The following GPATCH2 variants were observed in gnomAD, a reference collection of about 807,000 sequenced individuals.
GPATCH2 encodes G-patch domain containing 2.
A neutral mutation model predicts 58.0 loss-of-function variants in GPATCH2; 51 were observed. The ratio of observed to expected loss-of-function variants is 0.88; its 90% CI spans 0.70 to 1.11. The LOEUF (loss-of-function observed/expected upper bound fraction) is 1.11, where lower values mean the gene tolerates loss of function less well. Among genes scored for constraint, GPATCH2 ranks in the 50% most tolerant of loss-of-function variants. GPATCH2 has a pLI of 0.00. For synonymous variants in GPATCH2, 222 were observed against 218.5 expected (o/e 1.02, Z -0.14); for missense variants, 625 against 652.2 (o/e 0.96, Z 0.45).
chr1:217,600,957 CTCG>C (rs1438705209), intron 5 of GPATCH2, among the ~76,000 whole-genome samples: 2 of 152,018 alleles, frequency 1.3e-5, no homozygotes, highest in African/African-American at 4.8e-5. Context: ...TCACATATAT[CTCG>C]AAAACAAAAC....
intron 8 of GPATCH2, among the ~76,000 whole-genome samples, chr1:217,470,896 A>G (rs1183171353): frequency 6.6e-6 from 1 of 152,076 alleles, no homozygotes; most frequent in Non-Finnish European, 1.5e-5. Flanking sequence ...TAAAGCAAAT[A>G]TATGAATACT....
chr1:217,628,814 T>A (rs1434308393), intron 1 of GPATCH2, among the ~76,000 whole-genome samples: 1 of 151,938 alleles, frequency 6.6e-6, no homozygotes, highest in Non-Finnish European at 1.5e-5. Context: ...GCTAAATAAG[T>A]CAGAAAATCC....
chr1:217,458,067 A>G (rs1660030050), intron 8 of GPATCH2, among the ~76,000 whole-genome samples: 1 of 152,146 alleles, frequency 6.6e-6, no homozygotes, highest in Non-Finnish European at 1.5e-5. Flanking sequence ...CTCTACTAAA[A>G]ACACACAAAA....
chr1:217,614,573 G>T (rs1006598585), intron 2 of GPATCH2, among the ~76,000 whole-genome samples: 20 of 152,142 alleles, frequency 1.3e-4, no homozygotes, highest in African/African-American at 4.8e-4. Flanking sequence ...AATGGGAAAA[G>T]TCTCAATCAA....
chr1:217,456,303 C>G (rs1219381121), intron 8 of GPATCH2, among the ~76,000 whole-genome samples: 1 of 152,204 alleles, frequency 6.6e-6, no homozygotes, highest in African/African-American at 2.4e-5. Flanking sequence ...GTGCTCACCC[C>G]TGGCTCCTGT....
At chr1:217,530,591 G>A (rs548141240) in intron 5 of GPATCH2, among the ~76,000 whole-genome samples, 3 of 152,248 alleles carry the variant, frequency 2.0e-5, no homozygotes, top group East Asian at 1.9e-4. Flanking sequence ...CATCAAAGAT[G>A]TTTATTTATT....
intron 3 of GPATCH2, among the ~76,000 whole-genome samples, chr1:217,611,429 A>G (rs1179740671): frequency 6.6e-6 from 1 of 152,210 alleles, no homozygotes; most frequent in African/African-American, 2.4e-5. Context: ...AAGAACTGCC[A>G]GCAACAAAAA....
chr1:217,502,454 A>C (rs888718485), intron 6 of GPATCH2, among the ~76,000 whole-genome samples: 7 of 152,046 alleles, frequency 4.6e-5, no homozygotes, highest in Non-Finnish European at 1.5e-5. Flanking sequence ...AAAATGTATG[A>C]AGAAAATGTT....
chr1:217,505,839 T>C (rs948974326), intron 6 of GPATCH2, among the ~76,000 whole-genome samples: 5 of 152,210 alleles, frequency 3.3e-5, no homozygotes, highest in Non-Finnish European at 5.9e-5. Flanking sequence ...ATTTATTTTT[T>C]TGAGACAGAG....
chr1:217,545,771 G>A (rs1665009942), intron 5 of GPATCH2, among the ~76,000 whole-genome samples: 1 of 152,056 alleles, frequency 6.6e-6, no homozygotes, highest in South Asian at 2.1e-4. Flanking sequence ...CTAAAATGAG[G>A]TAAAATACAT....
intron 5 of GPATCH2, among the ~76,000 whole-genome samples, chr1:217,521,883 G>A (rs117575107): frequency 3.3e-5 from 5 of 152,214 alleles, no homozygotes; most frequent in East Asian, 3.9e-4. Flanking sequence ...ATCCGTACAC[G>A]TGTGTTGCAG....
chr1:217,607,484 G>T (rs1162315423), intron 5 of GPATCH2, among the ~76,000 whole-genome samples: 1 of 152,118 alleles, frequency 6.6e-6, no homozygotes, highest in South Asian at 2.1e-4. Context: ...GTGCCTTATA[G>T]AGAAAAGACT....
chr1:217,610,006 C>CTTTT, intron 5 of GPATCH2: 3 of 1,406,810 alleles, frequency 2.1e-6, no homozygotes, highest in Non-Finnish European at 2.8e-6. Flanking sequence ...GGAAGAATAC[C>CTTTT]AGTCCTCCAG....
intron 8 of GPATCH2, among the ~76,000 whole-genome samples, chr1:217,477,563 G>A (rs1232283657): frequency 6.6e-6 from 1 of 152,130 alleles, no homozygotes; most frequent in Non-Finnish European, 1.5e-5. Flanking sequence ...TCGGCCTTAA[G>A]GGAACATTGG....
intron 5 of GPATCH2, among the ~76,000 whole-genome samples, chr1:217,538,950 T>C (rs1019183411): frequency 1.3e-5 from 2 of 152,168 alleles, no homozygotes; most frequent in Non-Finnish European, 2.9e-5. Flanking sequence ...AATCACTTTC[T>C]TATACCCTCT....
chr1:217,600,913 T>A (rs1668073564), intron 5 of GPATCH2, among the ~76,000 whole-genome samples: 1 of 152,144 alleles, frequency 6.6e-6, no homozygotes, highest in Admixed American at 6.5e-5. Context: ...GCAAATTCAA[T>A]GTTTTTAAAG....
intron 8 of GPATCH2, among the ~76,000 whole-genome samples, chr1:217,488,208 G>A (rs767467959): frequency 6.6e-6 from 1 of 152,172 alleles, no homozygotes; most frequent in Non-Finnish European, 1.5e-5. Flanking sequence ...TCTTTGAGAA[G>A]AATGTGTTTT....
At chr1:217,622,139 A>G (rs1257137048) in intron 1 of GPATCH2, among the ~76,000 whole-genome samples, 2 of 152,216 alleles carry the variant, frequency 1.3e-5, no homozygotes, top group South Asian at 4.1e-4. Context: ...GTATTACTGT[A>G]ATCCTCAAGA....
At chr1:217,591,002 GAAA>G (rs1667565939) in intron 5 of GPATCH2, among the ~76,000 whole-genome samples, 2 of 152,050 alleles carry the variant, frequency 1.3e-5, no homozygotes, top group African/African-American at 4.8e-5. Context: ...AGAATTGCAA[GAAA>G]AATAGTTTAT....
Sources: allele counts gnomAD v4.1 joint callset (sites outside exome capture counted in the v4.1 genomes callset), GRCh38; gene constraint gnomAD v4.1.1; transcripts MANE v1.5; gene names NCBI Gene and HGNC (gene_info 2026-07-23, HGNC 2026-07-21).